Variants in FGF12 observed in about 807,000 individuals in gnomAD.
FGF12 encodes the protein fibroblast growth factor 12.
In FGF12, 14 loss-of-function variants were observed where a neutral mutation model predicts 23.6. The ratio of observed to expected loss-of-function variants is 0.59; its 90% CI spans 0.39 to 0.93. FGF12 has a LOEUF of 0.93. Ranked by LOEUF, FGF12 falls within the 40% of genes least tolerant of loss-of-function variation. FGF12 has a pLI of 0.00. For missense variants in FGF12, 175 were observed against 217.8 expected, an observed-to-expected ratio of 0.80 and a Z score of 1.24; for synonymous variants, 62 against 77.3, an observed-to-expected ratio of 0.80 and a Z score of 1.04.
In FGF12 at chr3:192,487,692, T is replaced by C. The variant is rs146199862; in HGVS notation, c.14-127154A>G. 5.7e-3 allele frequency among the ~76,000 whole-genome samples: 862 copies of C among 152,268 alleles called. 10 individuals carry two copies. The highest frequency in any genetic ancestry group is 0.02 in the African/African-American group (829 of 41,572). On this transcript the variant is annotated intron_variant, in intron 2 of 5. Coordinates refer to ENST00000445105, the MANE Select transcript of FGF12 (RefSeq NM_004113.6). ...ATGTTTATAATGTAAACGTAAAGAA[T>C]GTACAATCCTAATTGTATTTTATGT...
intron 2 of FGF12, among the ~76,000 whole-genome samples, chr3:192,592,159 A>T (rs1372890138): frequency 6.6e-6 from 1 of 151,868 alleles, no homozygotes; most frequent in Non-Finnish European, 1.5e-5. Flanking sequence ...CTCGGGCCTG[A>T]TAGAGTAAAC....
At chr3:192,561,507 C>T (rs1577054683) in intron 2 of FGF12, among the ~76,000 whole-genome samples, 1 of 152,042 alleles carries the variant, frequency 6.6e-6, no homozygotes, top group East Asian at 1.9e-4. Context: ...GGACTACAGG[C>T]ACCCGCCACC....
chr3:192,620,075 C>G (rs1315153335), intron 2 of FGF12, among the ~76,000 whole-genome samples: 1 of 152,052 alleles, frequency 6.6e-6, no homozygotes, highest in Non-Finnish European at 1.5e-5. Context: ...ATTCAAATCC[C>G]CCACAACACA....
intron 3 of FGF12, among the ~76,000 whole-genome samples, chr3:192,342,252 T>C (rs1409194163): frequency 6.6e-6 from 1 of 152,222 alleles, no homozygotes; most frequent in Non-Finnish European, 1.5e-5. Context: ...TTCTCAGTCA[T>C]ATTTTTATAA....
At chr3:192,684,150 T>C (rs2108711217) in intron 2 of FGF12, among the ~76,000 whole-genome samples, 1 of 152,290 alleles carries the variant, frequency 6.6e-6, no homozygotes, top group African/African-American at 2.4e-5. Flanking sequence ...CCCATTAACC[T>C]GCATGGTTCA....
At chr3:192,158,563 CCTTT>C (rs1316758250) in intron 5 of FGF12, among the ~76,000 whole-genome samples, 3 of 121,580 alleles carry the variant, frequency 2.5e-5, no homozygotes, top group East Asian at 2.5e-4. Context: ...TCCCTCCCTC[CCTTT>C]CTTTCTCTTT....
chr3:192,357,751 G>A (rs1718542709), intron 3 of FGF12, among the ~76,000 whole-genome samples: 1 of 152,054 alleles, frequency 6.6e-6, no homozygotes, highest in Admixed American at 6.6e-5. Context: ...ATTCTTCTGG[G>A]AAAGAAGATC....
At chr3:192,566,534 T>C (rs1027809569) in intron 2 of FGF12, among the ~76,000 whole-genome samples, 1 of 152,130 alleles carries the variant, frequency 6.6e-6, no homozygotes. Flanking sequence ...TTGCAGGAAA[T>C]GTTAGAATTC....
chr3:192,304,780 T>C (rs1715530893), intron 4 of FGF12, among the ~76,000 whole-genome samples: 1 of 152,182 alleles, frequency 6.6e-6, no homozygotes, highest in Admixed American at 6.5e-5. Flanking sequence ...TCCTCTCTGC[T>C]TCATAATGCT....
At chr3:192,716,318 C>T (rs372577664) in intron 2 of FGF12, among the ~76,000 whole-genome samples, 1 of 152,128 alleles carries the variant, frequency 6.6e-6, no homozygotes, top group African/African-American at 2.4e-5. Flanking sequence ...CAGCCAACAA[C>T]GTCAACATCC....
chr3:192,158,787 A>G lies in FGF12; in HGVS notation c.427+11671T>C, dbSNP rs75402340. On this transcript the variant is annotated intron_variant, in intron 5 of 5. Coordinates refer to ENST00000445105, the MANE Select transcript of FGF12 (RefSeq NM_004113.6). ...AACTGTCTGACTTTGCATTTCACTTAGAAAGGAGAATTAGATGAGAAATGT... is the reference window on the plus strand; with the variant it reads ...AACTGTCTGACTTTGCATTTCACTTGGAAAGGAGAATTAGATGAGAAATGT... 2.7e-5 allele frequency among the ~76,000 whole-genome samples: 4 copies of G among 150,310 alleles called. No homozygotes were observed. The East Asian group carries it at 7.9e-4, about 30-fold the overall frequency.
At chr3:192,435,593 A>G (rs756342142) in intron 2 of FGF12, among the ~76,000 whole-genome samples, 2 of 152,218 alleles carry the variant, frequency 1.3e-5, no homozygotes, top group Non-Finnish European at 2.9e-5. Context: ...AGCAGGCTAT[A>G]CATGAGCCTC....
At chr3:192,602,722 CAAA>C (rs5855439) in intron 2 of FGF12, among the ~76,000 whole-genome samples, 1 of 125,640 alleles carries the variant, frequency 8.0e-6, no homozygotes, top group Non-Finnish European at 1.7e-5. Context: ...CACAAAGGCC[CAAA>C]AAAAAAAAAA....
chr3:192,403,700 C>T (rs764333093), intron 2 of FGF12, among the ~76,000 whole-genome samples: 1 of 151,712 alleles, frequency 6.6e-6, no homozygotes. Flanking sequence ...TATTCTTGAC[C>T]CATATATTGG....
At chr3:192,347,686 G>A (rs1310646086) in intron 3 of FGF12, among the ~76,000 whole-genome samples, 1 of 152,072 alleles carries the variant, frequency 6.6e-6, no homozygotes, top group Non-Finnish European at 1.5e-5. Context: ...AAAGAAGGTT[G>A]GTCTAAGGCC....
At chr3:192,378,094 C>CTGTCT (rs1719644060) in intron 2 of FGF12, among the ~76,000 whole-genome samples, 3 of 67,148 alleles carry the variant, frequency 4.5e-5, no homozygotes, top group Admixed American at 1.6e-4. Flanking sequence ...TTCTTTCTTT[C>CTGTCT]TTCTTTCTTT....
chr3:192,236,369 G>A (rs1211741852), intron 4 of FGF12, among the ~76,000 whole-genome samples: 2 of 152,072 alleles, frequency 1.3e-5, no homozygotes, highest in Non-Finnish European at 2.9e-5. Flanking sequence ...AGATGTCTCC[G>A]AATTCCATTT....
chr3:192,229,263 A>ATACTGGTAAATGTTTATTTATATAATGGT (rs1718899523), intron 4 of FGF12, among the ~76,000 whole-genome samples: 1 of 152,026 alleles, frequency 6.6e-6, no homozygotes, highest in Admixed American at 6.6e-5. Context: ...CCATTTTACC[A>ATACTGGTAAATGTTTATTTATATAATGGT]AGCCATACTG....
intron 2 of FGF12, among the ~76,000 whole-genome samples, chr3:192,640,594 G>C (rs1255692692): frequency 6.6e-6 from 1 of 152,088 alleles, no homozygotes; most frequent in African/African-American, 2.4e-5. Context: ...GGATAACATG[G>C]CCTGCCAGTG....
Sources: gnomAD v4.1 joint callset for allele counts (sites outside exome capture counted in the v4.1 genomes callset) on GRCh38, gnomAD v4.1.1 for gene constraint, MANE v1.5 for transcripts, NCBI Gene and HGNC (gene_info 2026-07-23, HGNC 2026-07-21) for gene names.